KDM1B: variants seen among roughly 807,000 people sequenced by gnomAD.
The protein encoded by KDM1B is lysine-specific histone demethylase 2.
In KDM1B, 63 loss-of-function variants were observed where a neutral mutation model predicts 107.4. The observed-to-expected ratio is 0.59, with a 90% CI of 0.48 to 0.72. The LOEUF is 0.72. KDM1B is among the 30% of genes least tolerant of loss of function. The pLI is 0.00. For synonymous variants in KDM1B, 363 were observed against 363.9 expected, an observed-to-expected ratio of 1.00 and a Z score of 0.03; for missense variants, 749 against 1,020.8, an observed-to-expected ratio of 0.73 and a Z score of 3.63.
At position 18,214,295 on chromosome 6, in the gene KDM1B, C is replaced by G. The variant is rs776971220; in HGVS notation, c.2109+514C>G. Among the ~76,000 whole-genome samples the G allele has an allele frequency of 2.0e-5, 3 of 152,204 alleles. No individual in the cohort carries two copies. The highest frequency in any genetic ancestry group is 4.4e-5 in the Non-Finnish European group (3 of 68,030). On this transcript the variant is annotated intron_variant, in intron 19 of 21. Coordinates refer to ENST00000650836, the MANE Select transcript of KDM1B (RefSeq NM_001364614.2). The surrounding 1 kb of genome is among the most constrained non-coding windows in gnomAD (Gnocchi z 4.4). Reference sequence around the variant, plus strand: ...AAGAATCATGGCTGTTTCTGACTTTCAGTTTCAAGAAACTTTGTCTTAAAA... The same window carrying G: ...AAGAATCATGGCTGTTTCTGACTTTGAGTTTCAAGAAACTTTGTCTTAAAA...
chr6:18,199,790 G>GA (rs1372316362), intron 12 of KDM1B, among the ~76,000 whole-genome samples: 1 of 151,660 alleles, frequency 6.6e-6, no homozygotes, highest in East Asian at 1.9e-4. Flanking sequence ...TATTTCTTAG[G>GA]AAAAATCACC....
At chr6:18,166,995 TTATATACA>T (rs1785340935) in intron 6 of KDM1B, among the ~76,000 whole-genome samples, 1 of 152,304 alleles carries the variant, frequency 6.6e-6, no homozygotes, top group South Asian at 2.1e-4. Flanking sequence ...ATTTCATGCT[TTATATACA>T]TATACTGATT....
intron 7 of KDM1B, among the ~76,000 whole-genome samples, chr6:18,174,638 A>C (rs916600036): frequency 6.7e-6 from 1 of 149,020 alleles, no homozygotes; most frequent in Admixed American, 6.7e-5. Context: ...CAAGTCCCCA[A>C]AGTTCATTGT....
chr6:18,193,551 C>T (rs918141427), intron 10 of KDM1B, among the ~76,000 whole-genome samples: 8 of 151,986 alleles, frequency 5.3e-5, no homozygotes, highest in African/African-American at 1.9e-4. Context: ...ATCCTCCTGG[C>T]TTGGCCTCCC....
chr6:18,221,736 G>A (rs183873980), intron 21 of KDM1B, among the ~76,000 whole-genome samples, 173 bp from the exon 22 acceptor site: 1 of 152,316 alleles, frequency 6.6e-6, no homozygotes, highest in East Asian at 1.9e-4. Context: ...ATTTGACAAT[G>A]CATGGCCAGA....
At position 18,212,774 on chromosome 6, in the gene KDM1B, C is replaced by T. The variant is rs578167967; in HGVS notation, c.1983+170C>T. ...AGAACACAGAAGAATATTATCAAAA[C>T]GAAAGGAGGAGAGCTGGCTGAGGTC... On this transcript the variant is annotated intron_variant, in intron 18 of 21. Transcript: ENST00000650836. The surrounding 1 kb of genome is among the most constrained non-coding windows in gnomAD (Gnocchi z 5.2). Among the ~76,000 whole-genome samples, 72 of 152,224 alleles carry T rather than the reference C, an allele frequency of 4.7e-4. No homozygotes were observed. The South Asian group carries it at 8.7e-3, about 18-fold the overall frequency.
chr6:18,165,420 G>A (rs111814821), intron 5 of KDM1B, among the ~76,000 whole-genome samples: 27 of 152,064 alleles, frequency 1.8e-4, no homozygotes, highest in Middle Eastern at 3.4e-3. Context: ...GTGAGCCACC[G>A]TACCCCGCCG....
chr6:18,192,068 G>T (rs1787314472), intron 10 of KDM1B, among the ~76,000 whole-genome samples: 2 of 152,068 alleles, frequency 1.3e-5, no homozygotes. Context: ...AGACCAGCCT[G>T]GGCAACATAA....
chr6:18,197,454 CT>C lies in KDM1B; in HGVS notation c.1147-130del. On this transcript the variant is annotated intron_variant, in intron 11 of 21. Coordinates refer to ENST00000650836, the MANE Select transcript of KDM1B (RefSeq NM_001364614.2). The surrounding 1 kb of genome is among the most constrained non-coding windows in gnomAD (Gnocchi z 4.5). The stretch of plus-strand genomic sequence containing the variant: ...GTAATAAGACAAGTGCCACCACATT[CT>C]TTAGGAAAATAACTTTCTAAGGACA... 1.2e-6 allele frequency: 1 copy of C among 829,064 alleles called. No individual in the cohort carries two copies. Among genetic ancestry groups the C allele is most frequent in the African/African-American group, 1.7e-5 (1 of 58,894 alleles). The allele number at this position is 829,064 out of a possible 1,614,324, so 51.4% of individuals were successfully genotyped here.
At chr6:18,175,560 T>C (rs1785938325) in intron 7 of KDM1B, among the ~76,000 whole-genome samples, 1 of 152,230 alleles carries the variant, frequency 6.6e-6, no homozygotes, top group Admixed American at 6.5e-5. Flanking sequence ...TAAGCAAGTG[T>C]CTAGAAAGGT....
chr6:18,172,361 A>G lies in KDM1B; in HGVS notation c.534+882A>G, dbSNP rs1040654812. Among the ~76,000 whole-genome samples, 6 of 152,226 alleles carry G rather than the reference A, an allele frequency of 3.9e-5. No homozygotes were observed. Among genetic ancestry groups the G allele is most frequent in the Non-Finnish European group, 7.3e-5 (5 of 68,040 alleles). On this transcript the variant is annotated intron_variant, in intron 7 of 21. Coordinates refer to ENST00000650836, the MANE Select transcript of KDM1B (RefSeq NM_001364614.2). This position sits in a 1 kb window ranked among gnomAD's most constrained non-coding sequence, Gnocchi z 5.2. ...TAAAATACTTTGTTTCTAGAAATTGAGATAAAATTCACATATTATAAAATT... is the reference window on the plus strand; with the variant it reads ...TAAAATACTTTGTTTCTAGAAATTGGGATAAAATTCACATATTATAAAATT...
rs1396233138 is a variant in KDM1B, at chr6:18,215,029, CTG to C, written c.2135_2136del (p.Val712AspfsTer14). On this transcript the variant is annotated frameshift_variant, in exon 20 of 22. Coordinates refer to ENST00000650836, the MANE Select transcript of KDM1B (RefSeq NM_001364614.2). LOFTEE classifies it high-confidence loss of function. ...CAGAAGAAGCACAGCGTGCTGATGTCTGTGATTGCCGGGGAGGCTGTCGCATC... is the reference window on the plus strand; with the variant it reads ...CAGAAGAAGCACAGCGTGCTGATGTCTGATTGCCGGGGAGGCTGTCGCATC... 2.5e-6 allele frequency: 4 copies of C among 1,613,972 alleles called. No homozygotes were observed. The African/African-American group carries it at 5.3e-5, about 22-fold the overall frequency.
intron 7 of KDM1B, among the ~76,000 whole-genome samples, chr6:18,182,840 C>G (rs1786568814): frequency 3.9e-5 from 6 of 152,144 alleles, no homozygotes; most frequent in Admixed American, 3.9e-4. Context: ...CCTTCATTCT[C>G]TTCAATGGCT....
chr6:18,186,954 GTATA>G lies in KDM1B; in HGVS notation c.574-834_574-831del, dbSNP rs1299894812. Reference sequence around the variant, plus strand: ...GGACCCAGCCAAACCATATCAGTATGTATATATGTGTGTGTGTGTACACACACAC... The same window carrying G: ...GGACCCAGCCAAACCATATCAGTATGTATGTGTGTGTGTGTACACACACAC... On this transcript the variant is annotated intron_variant, in intron 8 of 21. Coordinates refer to ENST00000650836, the MANE Select transcript of KDM1B (RefSeq NM_001364614.2). This position sits in a 1 kb window ranked among gnomAD's most constrained non-coding sequence, Gnocchi z 5.6. Among the ~76,000 whole-genome samples the G allele has an allele frequency of 3.1e-5, 4 of 129,672 alleles. No individual in the cohort carries two copies. In the Admixed American group the frequency reaches 3.3e-4, roughly 11 times the overall value. The allele number at this position is 129,672 out of a possible 152,430, so 85.1% of individuals were successfully genotyped here. A position where few individuals can be genotyped will look rare whatever the true frequency, so the allele number is the denominator to read the frequency against.
chr6:18,173,628 A>G lies in KDM1B; in HGVS notation c.534+2149A>G, dbSNP rs1052269682. ...TTCTTTGAGGTGCCTTATAGTTTTC[A>G]TCTTTACTTTTAGATCACTAGCTCA... On this transcript the variant is annotated intron_variant, in intron 7 of 21. Transcript: ENST00000650836. 3.3e-5 allele frequency among the ~76,000 whole-genome samples: 5 copies of G among 152,044 alleles called. No individual in the cohort carries two copies. In the South Asian group the frequency reaches 8.3e-4, roughly 25 times the overall value.
At chr6:18,176,125 T>C (rs2150850648) in intron 7 of KDM1B, among the ~76,000 whole-genome samples, 1 of 152,362 alleles carries the variant, frequency 6.6e-6, no homozygotes, top group East Asian at 1.9e-4. Flanking sequence ...GTCTATGATT[T>C]CTTCCAGCAG....
intron 3 of KDM1B, among the ~76,000 whole-genome samples, 166 bp from the exon 4 acceptor site, chr6:18,161,161 C>A (rs950713893): frequency 6.6e-6 from 1 of 152,154 alleles, no homozygotes; most frequent in Non-Finnish European, 1.5e-5. Context: ...AAATTACTTG[C>A]ACAATGCAGT....
Position 18,214,866 on chromosome 6 carries a change from C to T in KDM1B, c.2110-141C>T. The stretch of plus-strand genomic sequence containing the variant: ...CAGAGGTTGCAGTGAGCCAAGATTG[C>T]ACCATTGCACTCCAGCCTGGGTGAC... On this transcript the variant is annotated intron_variant, in intron 19 of 21. Coordinates refer to ENST00000650836, the MANE Select transcript of KDM1B (RefSeq NM_001364614.2). The surrounding 1 kb of genome is among the most constrained non-coding windows in gnomAD (Gnocchi z 4.4). 2 of 697,676 alleles carry T rather than the reference C, an allele frequency of 2.9e-6. No homozygotes were observed. The highest frequency in any genetic ancestry group is 4.5e-6 in the Non-Finnish European group (2 of 444,914). The allele number at this position is 697,676 out of a possible 1,614,324, so 43.2% of individuals were successfully genotyped here.
At chr6:18,193,194 TAAAAA>T (rs541938365) in intron 10 of KDM1B, among the ~76,000 whole-genome samples, 8 of 60,076 alleles carry the variant, frequency 1.3e-4, no homozygotes, top group South Asian at 6.0e-4. Flanking sequence ...AAACTCTGTC[TAAAAA>T]AAAAAAAAAA....
Sources: allele counts gnomAD v4.1 joint callset (sites outside exome capture counted in the v4.1 genomes callset), GRCh38; gene constraint gnomAD v4.1.1; non-coding constraint Gnocchi (gnomAD v3.1); transcripts MANE v1.5; gene names NCBI Gene and HGNC (gene_info 2026-07-23, HGNC 2026-07-21).